ZNF691: variants seen among roughly 807,000 people sequenced by gnomAD.
The protein encoded by ZNF691 is zinc finger protein 691.
ZNF691 carries 11 observed loss-of-function variants against 24.1 expected under a neutral mutation model. The ratio of observed to expected loss-of-function variants is 0.46; its 90% CI spans 0.29 to 0.75. ZNF691 has a LOEUF of 0.75. Ranked by LOEUF, ZNF691 falls within the 30% of genes least tolerant of loss-of-function variation. The pLI, the probability that ZNF691 is intolerant of heterozygous loss-of-function variation, is 0.11. For synonymous variants in ZNF691, 149 were observed against 153.9 expected, an observed-to-expected ratio of 0.97 and a Z score of 0.23; for missense variants, 356 against 409.0, an observed-to-expected ratio of 0.87 and a Z score of 1.12.
In ZNF691 at chr1:42,850,741, CT is replaced by C. The variant is rs1352277796; in HGVS notation, c.85-208del. ...ACAAAGCCGGTGCCTTCTTTTTGCT[CT>C]GGTGGGTAGCTTTAAATATCTCTGA... On this transcript the variant is annotated intron_variant, in intron 3 of 3. Coordinates refer to ENST00000651192, the MANE Select transcript of ZNF691 (RefSeq NM_001242739.2). The C allele has an allele frequency of 3.2e-6, 5 of 1,550,444 alleles. No homozygotes were observed. The African/African-American group carries it at 6.8e-5, about 21-fold the overall frequency.
rs752703587 is a variant in ZNF691 at position 42,851,391 on chromosome 1, T to A, written c.526T>A (p.Cys176Ser). Residue 176 changes from cysteine (C) to serine (S), a missense_variant, in exon 4 of 4, where the codon TGC becomes AGC. Coordinates refer to ENST00000651192, the MANE Select transcript of ZNF691 (RefSeq NM_001242739.2). This position sits in a 1 kb window ranked among gnomAD's most constrained non-coding sequence, Gnocchi z 4.7. Reference protein sequence around the residue: ...LEEKHYKCPKCQESFRRRSDL... With the variant: ...LEEKHYKCPKSQESFRRRSDL... Reference sequence around the variant, plus strand: ...AGAGAAACACTACAAATGCCCCAAGTGCCAGGAGAGCTTTCGGCGGCGCTC... The same window carrying A: ...AGAGAAACACTACAAATGCCCCAAGAGCCAGGAGAGCTTTCGGCGGCGCTC... 2 of 1,614,044 alleles carry A rather than the reference T, an allele frequency of 1.2e-6. No homozygotes were observed. Among genetic ancestry groups the A allele is most frequent in the Admixed American group, 1.7e-5 (1 of 60,018 alleles).
rs781177942 is a variant in ZNF691 at position 42,851,280 on chromosome 1, G to A, written c.415G>A (p.Gly139Ser). ...GAGAACACACCAGCGGATCCACACT[G>A]GTGAGAAGCCTTACAAGTGTTCTGA... ...NLRTHQRIHT[G>S]EKPYKCSECG... is the part of the protein sequence containing the mutation. Residue 139 changes from glycine (G) to serine (S), a missense_variant, in exon 4 of 4, where the codon GGT (glycine) becomes AGT (serine). Physicochemically the swap from Gly to Ser is moderately conservative, Grantham distance 56. Coordinates refer to ENST00000651192, the MANE Select transcript of ZNF691 (RefSeq NM_001242739.2). The surrounding 1 kb of genome is among the most constrained non-coding windows in gnomAD (Gnocchi z 4.7). 1 of 1,614,156 alleles carries A rather than the reference G, an allele frequency of 6.2e-7. No individual in the cohort carries two copies. The highest frequency in any genetic ancestry group is 8.5e-7 in the Non-Finnish European group (1 of 1,180,030).
chr1:42,851,339 C>T lies in ZNF691; in HGVS notation c.474C>T (p.Arg158=). The T allele has an allele frequency of 6.2e-7, 1 of 1,614,118 alleles. No individual in the cohort carries two copies. Among genetic ancestry groups the T allele is most frequent in the Non-Finnish European group, 8.5e-7 (1 of 1,180,022 alleles). ...CGKSFSRSSN[R]IRHERIHLEE... The stretch of plus-strand genomic sequence containing the variant: ...AGAGCTTCTCGAGAAGCTCCAACCG[C>T]ATCCGGCACGAGCGGATCCACCTGG... Residue 158 remains arginine (R), a synonymous_variant, in exon 4 of 4, where the codon CGC becomes CGT. Coordinates refer to ENST00000651192, the MANE Select transcript of ZNF691 (RefSeq NM_001242739.2). The surrounding 1 kb of genome is among the most constrained non-coding windows in gnomAD (Gnocchi z 4.7).
chr1:42,850,789 G>A (rs1280516999), intron 3 of ZNF691, 161 bp from the exon 4 acceptor site: 1 of 1,548,674 alleles, frequency 6.5e-7, no homozygotes, highest in South Asian at 1.2e-5. Flanking sequence ...TTAAAAGGTA[G>A]CAAGTAAAGG....
chr1:42,851,364 G>C lies in ZNF691; in HGVS notation c.499G>C (p.Glu167Gln). The C allele has an allele frequency of 6.2e-7, 1 of 1,614,150 alleles. No homozygotes were observed. The highest frequency in any genetic ancestry group is 8.5e-7 in the Non-Finnish European group (1 of 1,180,030). ...NRIRHERIHLEEKHYKCPKCQ... is the reference protein window; with the variant it reads ...NRIRHERIHLQEKHYKCPKCQ... Reference sequence around the variant, plus strand: ...CATCCGGCACGAGCGGATCCACCTGGAAGAGAAACACTACAAATGCCCCAA... The same window carrying C: ...CATCCGGCACGAGCGGATCCACCTGCAAGAGAAACACTACAAATGCCCCAA... Residue 167 changes from glutamate to glutamine, a missense_variant, in exon 4 of 4, where the codon GAA becomes CAA. By Grantham distance (29) the Glu-to-Gln change is conservative. Coordinates refer to ENST00000651192, the MANE Select transcript of ZNF691 (RefSeq NM_001242739.2). The surrounding 1 kb of genome is among the most constrained non-coding windows in gnomAD (Gnocchi z 4.7).
chr1:42,848,669 TAAAA>T lies in ZNF691; in HGVS notation c.-217-615_-217-612del, dbSNP rs1018657125. Among the ~76,000 whole-genome samples the T allele has an allele frequency of 2.0e-5, 3 of 147,080 alleles. No individual in the cohort carries two copies. The South Asian group carries it at 6.6e-4, about 32-fold the overall frequency. ...AGGAGTTTTGGTTACATTGGTAAAT[TAAAA>T]AAAAAACAAAAAAACAACAAAGACA... On this transcript the variant is annotated intron_variant, in intron 1 of 3. Coordinates refer to ENST00000651192, the MANE Select transcript of ZNF691 (RefSeq NM_001242739.2).
intron 1 of ZNF691, among the ~76,000 whole-genome samples, chr1:42,848,024 T>C (rs1001189350): frequency 7.2e-5 from 11 of 152,234 alleles, no homozygotes; most frequent in African/African-American, 2.7e-4. Context: ...TCCCCTGAAC[T>C]TAACCTTCTG....
rs1655329821 is a variant in ZNF691, at chr1:42,849,747, T to A, written c.84+5T>A. 1 of 1,549,628 alleles carries A rather than the reference T, an allele frequency of 6.5e-7. No homozygotes were observed. The highest frequency in any genetic ancestry group is 2.4e-5 in the East Asian group (1 of 40,912). On this transcript the variant is annotated splice_donor_5th_base_variant and intron_variant, in intron 3 of 3. Coordinates refer to ENST00000651192, the MANE Select transcript of ZNF691 (RefSeq NM_001242739.2). The stretch of plus-strand genomic sequence containing the variant: ...ATGCTACCACTCTCATCAGAGGTAC[T>A]TTTCCCCCCAACTCTTTCCCTGTCC...
intron 3 of ZNF691, chr1:42,850,638 G>A (rs1465309476): frequency 6.5e-7 from 1 of 1,547,236 alleles, no homozygotes; most frequent in South Asian, 1.2e-5. Flanking sequence ...ATGAATTATA[G>A]TCTGGATTGT....
At chr1:42,850,737 T>G (rs748111621) in intron 3 of ZNF691, 46 of 1,550,554 alleles carry the variant, frequency 3.0e-5, no homozygotes, top group Non-Finnish European at 3.5e-5. Context: ...GCCTTCTTTT[T>G]GCTCTGGTGG....
At position 42,851,154 on chromosome 1, in the gene ZNF691, C is replaced by A. The variant is rs547945731; in HGVS notation, c.289C>A (p.Arg97=). 1 of 1,614,166 alleles carries A rather than the reference C, an allele frequency of 6.2e-7. No individual in the cohort carries two copies. Among genetic ancestry groups the A allele is most frequent in the South Asian group, 1.1e-5 (1 of 91,080 alleles). ...KPWQKVTVRA[R]ELGDPIAHPR... is the part of the protein sequence containing the mutation. ...ATGGCAGAAAGTCACTGTCCGGGCT[C>A]GAGAGCTAGGGGACCCCATTGCTCA... is the stretch of plus-strand genomic sequence containing the variant. Residue 97 remains arginine, a synonymous_variant, in exon 4 of 4, where the codon CGA becomes AGA. Transcript: ENST00000651192. The surrounding 1 kb of genome is among the most constrained non-coding windows in gnomAD (Gnocchi z 4.7).
chr1:42,850,054 GTA>G (rs1176046879), intron 3 of ZNF691, among the ~76,000 whole-genome samples: 1 of 152,060 alleles, frequency 6.6e-6, no homozygotes, highest in Non-Finnish European at 1.5e-5. Context: ...TATGTAGTAT[GTA>G]TGTGTGTGGT....
chr1:42,846,685 G>A (rs1655245611), intron 1 of ZNF691, 28 bp downstream of exon 1: 3 of 152,546 alleles, frequency 2.0e-5, no homozygotes. Context: ...CCGAGGTCGC[G>A]GGGGGAGGCG....
rs1055495861 is a variant in ZNF691, at chr1:42,847,056, G to A, written c.-218+399G>A. On this transcript the variant is annotated intron_variant, in intron 1 of 3. Coordinates refer to ENST00000651192, the MANE Select transcript of ZNF691 (RefSeq NM_001242739.2). ...CCCCGCAACACACAACTCAGCTCTT[G>A]GGCCCTGGCCTGTGACACTTCTGGC... 2.6e-5 allele frequency among the ~76,000 whole-genome samples: 4 copies of A among 151,754 alleles called. No individual in the cohort carries two copies. In the South Asian group the frequency reaches 8.3e-4, roughly 31 times the overall value.
intron 3 of ZNF691, among the ~76,000 whole-genome samples, chr1:42,850,213 C>T (rs902167828): frequency 6.9e-6 from 1 of 144,282 alleles, no homozygotes; most frequent in Non-Finnish European, 1.5e-5. Flanking sequence ...CTGTGTGATT[C>T]TGCTTGCTTG....
intron 3 of ZNF691, chr1:42,850,684 C>T (rs1287507551): frequency 6.4e-7 from 1 of 1,550,468 alleles, no homozygotes; most frequent in Non-Finnish European, 8.7e-7. Context: ...TGACATTATT[C>T]AAATGGCACA....
In ZNF691 at chr1:42,851,823, C is replaced by G. The variant is rs1570560072; in HGVS notation, c.*10C>G. 6.2e-7 allele frequency: 1 copy of G among 1,613,870 alleles called. No homozygotes were observed. ...GAAAGATTCCAGCTGAAGGAGAGCC[C>G]CATTTAGAGTGAGGGAGAGAGAGTG... is the stretch of plus-strand genomic sequence containing the variant. On this transcript the variant is annotated 3_prime_UTR_variant, in exon 4 of 4. Transcript: ENST00000651192. This position sits in a 1 kb window ranked among gnomAD's most constrained non-coding sequence, Gnocchi z 4.7.
At chr1:42,847,646 T>TA (rs1655276329) in intron 1 of ZNF691, among the ~76,000 whole-genome samples, 1 of 152,262 alleles carries the variant, frequency 6.6e-6, no homozygotes, top group Non-Finnish European at 1.5e-5. Context: ...ATCAGGGAGA[T>TA]ACATCTGTAT....
At chr1:42,850,609 A>G (rs1655358902) in intron 3 of ZNF691, 1 of 1,522,026 alleles carries the variant, frequency 6.6e-7, no homozygotes, top group Admixed American at 2.3e-5. Flanking sequence ...TCCCAAAATG[A>G]AAGCTCTTTT....
Sources: allele counts gnomAD v4.1 joint callset (sites outside exome capture counted in the v4.1 genomes callset), GRCh38; gene constraint gnomAD v4.1.1; non-coding constraint Gnocchi (gnomAD v3.1); transcripts MANE v1.5; gene names NCBI Gene and HGNC (gene_info 2026-07-23, HGNC 2026-07-21).